Variants in DIPK1A observed in about 807,000 individuals in gnomAD.
The protein encoded by DIPK1A is family with sequence similarity 69 member A.
In DIPK1A, 27 loss-of-function variants were observed where a neutral mutation model predicts 40.8. That is an observed-to-expected ratio of 0.66 (90% CI 0.49 to 0.91). The LOEUF (loss-of-function observed/expected upper bound fraction) is 0.91, where lower values mean the gene tolerates loss of function less well. Among genes scored for constraint, DIPK1A ranks in the 40% least tolerant of loss-of-function variants. The pLI is 0.00. For missense variants in DIPK1A, 412 were observed against 505.7 expected (o/e 0.81, Z 1.78); for synonymous variants, 166 against 171.3 (o/e 0.97, Z 0.24).
rs1325994812 is a variant in DIPK1A, at chr1:92,893,660, C to T, written c.55-17230G>A. On this transcript the variant is annotated intron_variant, in intron 1 of 4. Coordinates refer to ENST00000370310, the MANE Select transcript of DIPK1A (RefSeq NM_001006605.5). ...CAAATTCACACATAACAATATTAACCTTAAATGTAAATGGGCTAAATGCTC... is the reference window on the plus strand; with the variant it reads ...CAAATTCACACATAACAATATTAACTTTAAATGTAAATGGGCTAAATGCTC... Among the ~76,000 whole-genome samples the T allele has an allele frequency of 1.6e-3, 246 of 150,866 alleles. 1 individual carries two copies. In the South Asian group the frequency reaches 0.02, roughly 12 times the overall value.
chr1:92,945,676 C>T (rs1651332252), intron 1 of DIPK1A, among the ~76,000 whole-genome samples: 1 of 152,120 alleles, frequency 6.6e-6, no homozygotes, highest in Non-Finnish European at 1.5e-5. Flanking sequence ...AACACAGAAT[C>T]AAATGATACC....
intron 1 of DIPK1A, among the ~76,000 whole-genome samples, chr1:92,895,021 T>C (rs892406680): frequency 1.3e-5 from 2 of 151,924 alleles, no homozygotes; most frequent in East Asian, 1.9e-4. Flanking sequence ...AATAGCTTAC[T>C]AACCAAAAAA....
downstream of DIPK1A, chr1:92,842,077 T>C (rs1358412642): frequency 7.4e-6 from 6 of 807,866 alleles, no homozygotes; most frequent in African/African-American, 1.8e-5. Flanking sequence ...GCTTCTGTTT[T>C]ACCTGACAGG....
intron 2 of DIPK1A, among the ~76,000 whole-genome samples, chr1:92,852,855 T>C (rs1397265793): frequency 6.6e-6 from 1 of 151,940 alleles, no homozygotes; most frequent in Non-Finnish European, 1.5e-5. Flanking sequence ...GCCTGGGCAA[T>C]ACAGCAAGAC....
At chr1:92,946,873 T>C (rs982571613) in intron 1 of DIPK1A, among the ~76,000 whole-genome samples, 6 of 150,858 alleles carry the variant, frequency 4.0e-5, no homozygotes, top group Non-Finnish European at 8.8e-5. Flanking sequence ...GAGCCTGCGA[T>C]GTTGAAGCGG....
intron 1 of DIPK1A, among the ~76,000 whole-genome samples, chr1:92,879,176 T>A (rs1178462398): frequency 6.6e-6 from 1 of 152,020 alleles, no homozygotes; most frequent in Non-Finnish European, 1.5e-5. Context: ...AGAGACCCTG[T>A]TGCAAAAAAA....
chr1:92,958,120 A>G (rs1289460555), intron 1 of DIPK1A, among the ~76,000 whole-genome samples: 2 of 152,238 alleles, frequency 1.3e-5, no homozygotes, highest in African/African-American at 2.4e-5. Context: ...CTTCACAGGC[A>G]GTAGAATCTC....
In DIPK1A at chr1:92,900,528, A is replaced by G. The variant is rs1016211125; in HGVS notation, c.55-24098T>C. Among the ~76,000 whole-genome samples, 6 of 152,146 alleles carry G rather than the reference A, an allele frequency of 3.9e-5. No homozygotes were observed. In the East Asian group the frequency reaches 1.2e-3, roughly 29 times the overall value. On this transcript the variant is annotated intron_variant, in intron 1 of 4. Coordinates refer to ENST00000370310, the MANE Select transcript of DIPK1A (RefSeq NM_001006605.5). ...AATTGTTTTCCTGATTTCATTGTCTATCTGTATTTTCTTGTATTGTATCTC... is the reference window on the plus strand; with the variant it reads ...AATTGTTTTCCTGATTTCATTGTCTGTCTGTATTTTCTTGTATTGTATCTC...
Position 92,843,612 on chromosome 1 carries a change from T to C in DIPK1A, c.1058A>G (p.Lys353Arg), listed in dbSNP as rs374873472. ...TGGTTGTATCACTTCTGAAGTACAC[T>C]TCATTGTACTCTGATCACAGCTAGT... ...CRTSCDQSTMKCTSEVIQPNL... is the reference protein window; with the variant it reads ...CRTSCDQSTMRCTSEVIQPNL... Residue 353 changes from lysine to arginine, a missense_variant, in exon 5 of 5, where the codon AAG becomes AGG. Lys to Arg is a conservative substitution (Grantham distance 26). Transcript: ENST00000370310. 26 of 1,551,724 alleles carry C rather than the reference T, an allele frequency of 1.7e-5. No homozygotes were observed. The African/African-American group carries it at 2.5e-4, about 15-fold the overall frequency.
At chr1:92,919,698 T>C (rs1045687790) in intron 1 of DIPK1A, among the ~76,000 whole-genome samples, 1 of 152,162 alleles carries the variant, frequency 6.6e-6, no homozygotes, top group Non-Finnish European at 1.5e-5. Context: ...TAAAAATTTA[T>C]CCAGACAAGG....
At chr1:92,950,838 A>G (rs1484050413) in intron 1 of DIPK1A, among the ~76,000 whole-genome samples, 1 of 152,252 alleles carries the variant, frequency 6.6e-6, no homozygotes, top group African/African-American at 2.4e-5. Flanking sequence ...TTATTGCCAG[A>G]AGGATTAATA....
intron 1 of DIPK1A, among the ~76,000 whole-genome samples, chr1:92,886,574 ACT>A (rs1648610502): frequency 6.6e-6 from 1 of 152,004 alleles, no homozygotes; most frequent in African/African-American, 2.4e-5. Context: ...GTGTGCCATA[ACT>A]TATCTAACCC....
intron 1 of DIPK1A, among the ~76,000 whole-genome samples, chr1:92,902,751 T>C (rs1012614022): frequency 6.6e-6 from 1 of 152,158 alleles, no homozygotes; most frequent in Non-Finnish European, 1.5e-5. Flanking sequence ...AGGATGATGT[T>C]GCCTTCCGTT....
intron 1 of DIPK1A, among the ~76,000 whole-genome samples, chr1:92,909,765 T>C (rs1649758552): frequency 6.6e-6 from 1 of 152,226 alleles, no homozygotes; most frequent in Non-Finnish European, 1.5e-5. Flanking sequence ...TCTCTGTATC[T>C]GCTTTTCAAT....
intron 1 of DIPK1A, among the ~76,000 whole-genome samples, chr1:92,954,377 T>C (rs1283778817): frequency 1.4e-4 from 1 of 7,026 alleles, no homozygotes; most frequent in African/African-American, 3.3e-4. Context: ...TTTCTTTTTT[T>C]TTTTTTTTTT....
intron 1 of DIPK1A, among the ~76,000 whole-genome samples, chr1:92,951,673 T>C (rs775011142): frequency 6.6e-6 from 1 of 152,142 alleles, no homozygotes; most frequent in Non-Finnish European, 1.5e-5. Context: ...CTCTGTCAAA[T>C]CTCATTTTTC....
chr1:92,945,155 G>C (rs1283133064), intron 1 of DIPK1A, among the ~76,000 whole-genome samples: 2 of 151,796 alleles, frequency 1.3e-5, no homozygotes, highest in Non-Finnish European at 2.9e-5. Flanking sequence ...GGAGGAGGGA[G>C]GTTTCTGGTA....
intron 1 of DIPK1A, among the ~76,000 whole-genome samples, chr1:92,892,403 A>G (rs1648934406): frequency 6.6e-6 from 1 of 152,058 alleles, no homozygotes; most frequent in Non-Finnish European, 1.5e-5. Context: ...TCTGGAGTGG[A>G]CCTCCAGCAA....
chr1:92,899,443 A>G (rs1158012481), intron 1 of DIPK1A, among the ~76,000 whole-genome samples: 1 of 152,172 alleles, frequency 6.6e-6, no homozygotes. Flanking sequence ...GTGTCTTTAC[A>G]ATTGAAGTGA....
Sources: allele counts gnomAD v4.1 joint callset (sites outside exome capture counted in the v4.1 genomes callset), GRCh38; gene constraint gnomAD v4.1.1; transcripts MANE v1.5; gene names NCBI Gene and HGNC (gene_info 2026-07-23, HGNC 2026-07-21).